Variants in PCID2 observed in about 807,000 individuals in gnomAD.
PCID2 encodes the protein PCI domain-containing protein 2.
Under a neutral mutation model 61.3 loss-of-function variants are expected in PCID2, and 41 were observed. The ratio of observed to expected loss-of-function variants is 0.67; its 90% confidence interval spans 0.52 to 0.87. The LOEUF is 0.87. PCID2 is among the 40% of genes least tolerant of loss of function. The pLI is 0.00. For missense variants in PCID2, 392 were observed against 493.4 expected, an observed-to-expected ratio of 0.79 and a Z score of 1.95; for synonymous variants, 187 against 177.8, an observed-to-expected ratio of 1.05 and a Z score of -0.41.
At position 113,179,087 on chromosome 13, in the gene PCID2, T is replaced by C. The variant is rs2037378271; in HGVS notation, c.989A>G (p.Tyr330Cys). 3 of 1,612,900 alleles carry C rather than the reference T, an allele frequency of 1.9e-6. No individual in the cohort carries two copies. The highest frequency in any genetic ancestry group is 2.5e-6 in the Non-Finnish European group (3 of 1,179,516). ...CAGCTGGTGTGTTTTCAGTAACAAATACCTGGAAGAGGGGAGGAGAAGGGC... is the reference window on the plus strand; with the variant it reads ...CAGCTGGTGTGTTTTCAGTAACAAACACCTGGAAGAGGGGAGGAGAAGGGC... ...ITYRNLFKKV[Y>C]LLLKTHQLSL... The change falls in exon 13 of 14, where the codon TAT (tyrosine) becomes TGT (cysteine). Residue 330 changes from tyrosine (Y) to cysteine (C), a missense_variant and splice_region_variant. Transcript: ENST00000337344. The surrounding 1 kb of genome is among the most constrained non-coding windows in gnomAD (Gnocchi z 4.3).
At chr13:113,198,119 T>C in intron 3 of PCID2, 72 bp downstream of exon 3, 1 of 1,020,876 alleles carries the variant, frequency 9.8e-7, no homozygotes, top group Non-Finnish European at 1.5e-6. Flanking sequence ...CACAAGATAA[T>C]GCAAGATAAA....
At chr13:113,207,065 A>G (rs913047491) in intron 1 of PCID2, among the ~76,000 whole-genome samples, 13 of 152,234 alleles carry the variant, frequency 8.5e-5, no homozygotes, top group Non-Finnish European at 1.8e-4. Flanking sequence ...CCCTCCCTGA[A>G]ATACACGAGC....
the PCID2 span, among the ~76,000 whole-genome samples, chr13:113,169,058 C>A: frequency 4.6e-5 from 7 of 152,126 alleles, no homozygotes; most frequent in Non-Finnish European, 7.3e-5. Context: ...TTCTCTCCTC[C>A]TTCTCCCTGC....
chr13:113,182,783 C>A (rs552382476), intron 9 of PCID2, among the ~76,000 whole-genome samples: 2 of 152,006 alleles, frequency 1.3e-5, no homozygotes, highest in Non-Finnish European at 1.5e-5. Flanking sequence ...CCACCGCGCC[C>A]GGCCAAAAAA....
Position 113,208,583 on chromosome 13 carries a change from C to A in PCID2, c.36+16G>T. On this transcript the variant is annotated intron_variant, in intron 1 of 13. Transcript: ENST00000337344. Reference sequence around the variant, plus strand: ...GGGCCAACCACGCCGCCGCGCGCTCCCCGGCTAGGACCCACCTGCTGCAGG... The same window carrying A: ...GGGCCAACCACGCCGCCGCGCGCTCACCGGCTAGGACCCACCTGCTGCAGG... 2.5e-6 allele frequency: 4 copies of A among 1,607,312 alleles called. No homozygotes were observed. The highest frequency in any genetic ancestry group is 3.4e-6 in the Non-Finnish European group (4 of 1,177,546).
the PCID2 span, among the ~76,000 whole-genome samples, chr13:113,167,079 A>G: frequency 3.3e-5 from 5 of 152,202 alleles, no homozygotes; most frequent in Admixed American, 3.3e-4. Context: ...CCTAAAACAA[A>G]CTTTGAAAAG....
At position 113,179,183 on chromosome 13, in the gene PCID2, A is replaced by C; in HGVS notation, c.987-94T>G. The stretch of plus-strand genomic sequence containing the variant: ...CACCTCTTAATAAGCCGGTGTTCTA[A>C]AGGAGTAAAAAAATTCCCACCTATT... On this transcript the variant is annotated intron_variant, in intron 12 of 13. Coordinates refer to ENST00000337344, the MANE Select transcript of PCID2 (RefSeq NM_001127202.4). This position sits in a 1 kb window ranked among gnomAD's most constrained non-coding sequence, Gnocchi z 4.3. 1 of 1,140,500 alleles carries C rather than the reference A, an allele frequency of 8.8e-7. No individual in the cohort carries two copies. The highest frequency in any genetic ancestry group is 1.6e-5 in the South Asian group (1 of 60,676). 70.6% of individuals were successfully genotyped at this position (1,140,500 alleles called of 1,614,324 possible).
chr13:113,185,052 T>C (rs191188969), intron 8 of PCID2, among the ~76,000 whole-genome samples: 15 of 152,272 alleles, frequency 9.9e-5, no homozygotes, highest in Non-Finnish European at 2.1e-4. Context: ...TGACACGTGA[T>C]GGGCTGCTCT....
chr13:113,189,031 G>A (rs1337230560), intron 7 of PCID2, among the ~76,000 whole-genome samples: 1 of 152,082 alleles, frequency 6.6e-6, no homozygotes, highest in Non-Finnish European at 1.5e-5. Context: ...AGGTTTTTGG[G>A]TCATGGGGGT....
At chr13:113,168,909 T>G in the PCID2 span, among the ~76,000 whole-genome samples, 3 of 152,122 alleles carry the variant, frequency 2.0e-5, no homozygotes, top group Non-Finnish European at 2.9e-5. Flanking sequence ...TTAAATTTCA[T>G]GTAGAGATGG....
chr13:113,200,825 G>A (rs2039376627), intron 1 of PCID2, among the ~76,000 whole-genome samples: 2 of 150,278 alleles, frequency 1.3e-5, no homozygotes, highest in African/African-American at 2.5e-5. Context: ...GCTCAGGCCT[G>A]TAATCCCAGC....
chr13:113,194,295 C>T (rs976876306), intron 6 of PCID2, among the ~76,000 whole-genome samples: 1 of 152,234 alleles, frequency 6.6e-6, no homozygotes, highest in Non-Finnish European at 1.5e-5. Context: ...TCTTCCCAGC[C>T]TCCTGGTTTC....
chr13:113,199,221 G>A (rs913863655), intron 2 of PCID2, among the ~76,000 whole-genome samples: 1 of 152,122 alleles, frequency 6.6e-6, no homozygotes, highest in African/African-American at 2.4e-5. Context: ...CAGTGTGGAC[G>A]GGCAATGGCC....
the PCID2 span, chr13:113,171,752 G>T: frequency 1.9e-6 from 3 of 1,612,094 alleles, no homozygotes; most frequent in South Asian, 3.3e-5. The surrounding 1 kb of genome is among the most constrained non-coding windows in gnomAD (Gnocchi z 5.1). Context: ...GTGCACCCCT[G>T]AGAAAGACTT....
intron 6 of PCID2, among the ~76,000 whole-genome samples, chr13:113,193,832 G>C (rs1444894215): frequency 6.6e-6 from 1 of 152,004 alleles, no homozygotes; most frequent in African/African-American, 2.4e-5. Flanking sequence ...GAATCAAGAG[G>C]GCTGTTTAAA....
intron 1 of PCID2, among the ~76,000 whole-genome samples, chr13:113,202,187 C>T (rs2039483303): frequency 6.6e-6 from 1 of 152,314 alleles, no homozygotes; most frequent in Non-Finnish European, 1.5e-5. Context: ...ATCCTGTGCC[C>T]AGGTGTCCAT....
intron 2 of PCID2, among the ~76,000 whole-genome samples, chr13:113,199,807 G>A (rs1237563147): frequency 6.6e-6 from 1 of 152,160 alleles, no homozygotes; most frequent in Non-Finnish European, 1.5e-5. Flanking sequence ...TTCAGAGACT[G>A]ATTTACCTGG....
In PCID2 at chr13:113,180,013, G is replaced by A. The variant is rs1481195279; in HGVS notation, c.890C>T (p.Ala297Val). The change falls in exon 12 of 14, where the codon GCG becomes GTG. Residue 297 changes from alanine (A) to valine (V), a missense_variant. Physicochemically the swap from Ala to Val is moderately conservative, Grantham distance 64. Coordinates refer to ENST00000337344, the MANE Select transcript of PCID2 (RefSeq NM_001127202.4). Reference protein sequence around the residue: ...SEGNLLLLHEALAKHEAFFIR... With the variant: ...SEGNLLLLHEVLAKHEAFFIR... ...GAAGAAGGCCTCGTGCTTCGCCAGC[G>A]CCTCGTGCAGCAGCAGCAGGTTGCC... is the stretch of plus-strand genomic sequence containing the variant. The A allele has an allele frequency of 5.6e-6, 9 of 1,614,012 alleles. No individual in the cohort carries two copies. The highest frequency in any genetic ancestry group is 2.2e-5 in the South Asian group (2 of 91,088).
At chr13:113,197,422 T>A (rs1350555374) in intron 3 of PCID2, among the ~76,000 whole-genome samples, 179 bp from the exon 4 acceptor site, 1 of 152,178 alleles carries the variant, frequency 6.6e-6, no homozygotes, top group Non-Finnish European at 1.5e-5. Context: ...CACAGTAAGC[T>A]TGGAGACTAC....
Sources: gnomAD v4.1 joint callset for allele counts (sites outside exome capture counted in the v4.1 genomes callset) on GRCh38, gnomAD v4.1.1 for gene constraint, Gnocchi (gnomAD v3.1) non-coding constraint, MANE v1.5 for transcripts, NCBI Gene and HGNC (gene_info 2026-07-23, HGNC 2026-07-21) for gene names.